Variants in GPHN observed in about 807,000 individuals in gnomAD.
GPHN encodes the protein gephyrin.
GPHN carries 17 observed loss-of-function variants against 95.5 expected under a neutral mutation model. The observed-to-expected ratio is 0.18, with a 90% confidence interval of 0.12 to 0.27. The LOEUF (loss-of-function observed/expected upper bound fraction) is 0.27. GPHN is among the 10% of genes least tolerant of loss of function. GPHN has a pLI of 1.00. For synonymous variants in GPHN, 320 were observed against 322.5 expected (o/e 0.99, Z 0.08); for missense variants, 660 against 978.1 (o/e 0.67, Z 4.34).
the GPHN span, among the ~76,000 whole-genome samples, chr14:67,254,921 C>G: frequency 2.6e-5 from 4 of 152,174 alleles, no homozygotes; most frequent in African/African-American, 9.7e-5. Flanking sequence ...GAGGCCAAGG[C>G]GGGCAGATCA....
intron 2 of GPHN, among the ~76,000 whole-genome samples, chr14:66,766,593 G>A (rs1595836035): frequency 6.6e-6 from 1 of 151,798 alleles, no homozygotes; most frequent in Non-Finnish European, 1.5e-5. Context: ...TATGGCACAT[G>A]GTAAAAATAA....
At chr14:67,073,284 A>G (rs1332411490) in intron 11 of GPHN, among the ~76,000 whole-genome samples, 1 of 152,202 alleles carries the variant, frequency 6.6e-6, no homozygotes, top group East Asian at 1.9e-4. Context: ...TTTGCACAAA[A>G]TCCTGACCAA....
chr14:66,587,609 AAAG>A (rs1595100836), intron 1 of GPHN, among the ~76,000 whole-genome samples: 1 of 152,250 alleles, frequency 6.6e-6, no homozygotes, highest in Admixed American at 6.5e-5. Context: ...ACATTAACAA[AAAG>A]AAGGACAAAA....
chr14:67,616,073 TGAA>T, the GPHN span: 2 of 297,510 alleles, frequency 6.7e-6, no homozygotes, highest in East Asian at 1.6e-4. Flanking sequence ...AGGAGGAAAA[TGAA>T]GAAGATGGTG....
chr14:67,039,892 C>T (rs1329621548), intron 10 of GPHN, among the ~76,000 whole-genome samples: 2 of 152,126 alleles, frequency 1.3e-5, no homozygotes, highest in African/African-American at 2.4e-5. Flanking sequence ...TCTATACAAC[C>T]GTTCTACTTT....
At chr14:67,610,610 C>A in the GPHN span, among the ~76,000 whole-genome samples, 2 of 152,138 alleles carry the variant, frequency 1.3e-5, no homozygotes, top group South Asian at 2.1e-4. Flanking sequence ...TATTATGAAA[C>A]CTAGAGACCT....
chr14:66,998,912 T>C (rs1173702418), intron 9 of GPHN, among the ~76,000 whole-genome samples: 1 of 149,552 alleles, frequency 6.7e-6, no homozygotes, highest in Non-Finnish European at 1.5e-5. Context: ...TATACACATA[T>C]ATATATATAC....
intron 9 of GPHN, among the ~76,000 whole-genome samples, chr14:66,990,638 T>TA (rs2071347533): frequency 1.3e-5 from 2 of 152,188 alleles, no homozygotes; most frequent in Non-Finnish European, 2.9e-5. Flanking sequence ...TTAACAGACT[T>TA]AACTCAGACT....
intron 18 of GPHN, among the ~76,000 whole-genome samples, chr14:67,157,630 C>T (rs572414329): frequency 6.6e-6 from 1 of 152,106 alleles, no homozygotes; most frequent in Non-Finnish European, 1.5e-5. Flanking sequence ...TCAAGACCAG[C>T]CTGGCCAACA....
chr14:67,199,242 T>G, the GPHN span: 1 of 1,602,524 alleles, frequency 6.2e-7, no homozygotes, highest in Non-Finnish European at 8.6e-7. Context: ...CTTTGTGAAT[T>G]CTTGAGTGAG....
At chr14:66,641,167 T>TA (rs1217928137) in intron 1 of GPHN, among the ~76,000 whole-genome samples, 5 of 152,168 alleles carry the variant, frequency 3.3e-5, no homozygotes, top group Non-Finnish European at 5.9e-5. Context: ...TGGTTCAACT[T>TA]ACAATTGTTT....
chr14:66,897,181 A>T (rs1357292622), intron 5 of GPHN, among the ~76,000 whole-genome samples: 3 of 152,172 alleles, frequency 2.0e-5, no homozygotes, highest in Non-Finnish European at 2.9e-5. Flanking sequence ...ACAAAATTAC[A>T]GTTGGATGTT....
At chr14:67,166,377 A>G (rs2082277623) in intron 20 of GPHN, among the ~76,000 whole-genome samples, 1 of 152,236 alleles carries the variant, frequency 6.6e-6, no homozygotes, top group African/African-American at 2.4e-5. Flanking sequence ...TCTTTTGTCT[A>G]CGGAAGATAT....
intron 1 of GPHN, among the ~76,000 whole-genome samples, chr14:66,652,445 C>T (rs77332675): frequency 0.013 from 2,015 of 151,810 alleles, 25 homozygotes; most frequent in Middle Eastern, 0.021. Flanking sequence ...TAACCTACCA[C>T]ATGTTCAGAA....
At chr14:67,368,443 C>G in the GPHN span, among the ~76,000 whole-genome samples, 1 of 151,828 alleles carries the variant, frequency 6.6e-6, no homozygotes, top group Non-Finnish European at 1.5e-5. Flanking sequence ...ATGTCAGAGC[C>G]TCAAGAATAC....
chr14:66,935,721 C>T (rs2067093902), intron 8 of GPHN, among the ~76,000 whole-genome samples: 1 of 151,468 alleles, frequency 6.6e-6, no homozygotes, highest in Non-Finnish European at 1.5e-5. Context: ...TGTTTATGTG[C>T]ACGTATACAT....
the GPHN span, chr14:67,705,963 A>C: frequency 6.6e-6 from 1 of 152,270 alleles, no homozygotes; most frequent in Non-Finnish European, 1.5e-5. Context: ...TATCAGGTGC[A>C]GTGGCATGTG....
the GPHN span, among the ~76,000 whole-genome samples, chr14:67,226,133 C>T: frequency 4.6e-5 from 7 of 152,164 alleles, no homozygotes; most frequent in East Asian, 5.8e-4. Flanking sequence ...CCTTCTGTCA[C>T]TCTGCCACCA....
the GPHN span, among the ~76,000 whole-genome samples, chr14:67,314,828 C>T: frequency 1.3e-5 from 2 of 152,322 alleles, no homozygotes; most frequent in African/African-American, 4.8e-5. Flanking sequence ...TGGTGGCTCA[C>T]ACCTGTAATC....
Sources: gnomAD v4.1 joint callset for allele counts (sites outside exome capture counted in the v4.1 genomes callset) on GRCh38, gnomAD v4.1.1 for gene constraint, MANE v1.5 for transcripts, NCBI Gene and HGNC (gene_info 2026-07-23, HGNC 2026-07-21) for gene names.